Variants in CLCN6 observed in about 807,000 individuals in gnomAD.
CLCN6 encodes the protein Cl-/H+ antiporter 6.
CLCN6 carries 70 observed loss-of-function variants against 109.8 expected under a neutral mutation model. The ratio of observed to expected loss-of-function variants is 0.64; its 90% CI spans 0.53 to 0.78. CLCN6 has a LOEUF of 0.78. Among genes scored for constraint, CLCN6 ranks in the 30% least tolerant of loss-of-function variants. The pLI is 0.00. For synonymous variants in CLCN6, 444 were observed against 447.8 expected (o/e 0.99, Z 0.11); for missense variants, 984 against 1,142.3 (o/e 0.86, Z 2.00).
At chr1:11,820,381 G>A (rs915299907) in intron 5 of CLCN6, 1 of 716,468 alleles carries the variant, frequency 1.4e-6, no homozygotes, top group Non-Finnish European at 2.6e-6. Flanking sequence ...AGATGAAGAT[G>A]TAAATATGCA....
chr1:11,809,544 C>G (rs1036865078), intron 2 of CLCN6, among the ~76,000 whole-genome samples: 1 of 152,264 alleles, frequency 6.6e-6, no homozygotes, highest in Admixed American at 6.5e-5. Flanking sequence ...CCTCCACCCC[C>G]GCCTCTGAGT....
intron 1 of CLCN6, chr1:11,806,574 C>G (rs984319662): frequency 6.5e-6 from 3 of 464,908 alleles, no homozygotes; most frequent in Non-Finnish European, 1.1e-5. Flanking sequence ...CAGGCCAGCT[C>G]CAGTAAATCC....
chr1:11,828,017 G>A (rs756602330), intron 10 of CLCN6, 89 bp from the exon 11 acceptor site: 37 of 950,200 alleles, frequency 3.9e-5, no homozygotes, highest in East Asian at 4.8e-5. Context: ...AGGTCTCTGC[G>A]TAGAGCAGTG....
Position 11,834,444 on chromosome 1 carries a change from C to A in CLCN6, c.1687-40C>A. The A allele has an allele frequency of 1.2e-6, 2 of 1,613,202 alleles. No homozygotes were observed. The highest frequency in any genetic ancestry group is 1.7e-6 in the Non-Finnish European group (2 of 1,179,342). On this transcript the variant is annotated intron_variant, in intron 16 of 22. Coordinates refer to ENST00000346436, the MANE Select transcript of CLCN6 (RefSeq NM_001286.5). The surrounding 1 kb of genome is among the most constrained non-coding windows in gnomAD (Gnocchi z 4.5). ...CTGTCAGGCTCAGGGCCACGTCCGC[C>A]CCACAGGACCTATTTTTAGGTCTTT...
chr1:11,817,414 C>G (rs1463714372), intron 4 of CLCN6, among the ~76,000 whole-genome samples: 1 of 152,142 alleles, frequency 6.6e-6, no homozygotes, highest in Non-Finnish European at 1.5e-5. Context: ...TTAATGTTAT[C>G]TAGAAGATAG....
rs1570533320 is a variant in CLCN6, at chr1:11,829,118, T to A, written c.1122-78T>A. 1.4e-5 allele frequency: 22 copies of A among 1,548,680 alleles called. No individual in the cohort carries two copies. The East Asian group carries it at 4.5e-4, about 32-fold the overall frequency. On this transcript the variant is annotated intron_variant, in intron 12 of 22. Transcript: ENST00000346436. ...TGTTTGGAGAAATCGGGGCTGGGGG[T>A]AGGCAGGGTTATGTTTTGAATTTCT...
At chr1:11,807,102 A>C in intron 1 of CLCN6, 29 bp from the exon 2 acceptor site, 1 of 1,607,790 alleles carries the variant, frequency 6.2e-7, no homozygotes, top group Non-Finnish European at 8.5e-7. Flanking sequence ...CCACTAAAAA[A>C]GGCTCCCTCT....
chr1:11,827,155 CG>C lies in CLCN6; in HGVS notation c.779del (p.Gly260ValfsTer6). The C allele has an allele frequency of 6.2e-7, 1 of 1,613,890 alleles. No individual in the cohort carries two copies. Among genetic ancestry groups the C allele is most frequent in the Non-Finnish European group, 8.5e-7 (1 of 1,179,898 alleles). On this transcript the variant is annotated frameshift_variant, in exon 10 of 23. Transcript: ENST00000346436. LOFTEE classifies it high-confidence loss of function. ...TTGCTGCAGCTTTCGGGGCGCCAAT[CG>C]GGGGTACCTTGTTCAGTCTAGAGGA... ...GVAAAFGAPI[G>X]GTLFSLEEGS...
chr1:11,838,799 C>T, intron 22 of CLCN6, 139 bp downstream of exon 22: 1 of 1,282,820 alleles, frequency 7.8e-7, no homozygotes, highest in Non-Finnish European at 1.1e-6. Context: ...AGCTTTGAAC[C>T]CTGCTCGGCT....
At chr1:11,827,045 C>T in intron 9 of CLCN6, 44 bp from the exon 10 acceptor site, 1 of 1,604,292 alleles carries the variant, frequency 6.2e-7, no homozygotes. Context: ...CTTTTGGGGG[C>T]TGGGGGCTCT....
At chr1:11,838,285 T>A (rs746866914) in intron 20 of CLCN6, 50 bp from the exon 21 acceptor site, 2 of 1,543,142 alleles carry the variant, frequency 1.3e-6, no homozygotes, top group East Asian at 4.5e-5. Flanking sequence ...AAGGTGACCC[T>A]GCTGGCCACT....
At chr1:11,813,200 G>A (rs908580287) in intron 2 of CLCN6, among the ~76,000 whole-genome samples, 4 of 152,180 alleles carry the variant, frequency 2.6e-5, no homozygotes, top group Non-Finnish European at 4.4e-5. Flanking sequence ...ATAAGTGGAT[G>A]CCTTTGCTCC....
chr1:11,837,609 C>T (rs1298352204), intron 20 of CLCN6, 110 bp downstream of exon 20: 14 of 1,120,312 alleles, frequency 1.2e-5, no homozygotes, highest in Admixed American at 4.4e-5. Flanking sequence ...GAATGCAAGG[C>T]GAGAAGTGCA....
At chr1:11,839,443 G>A (rs1644991780) in intron 22 of CLCN6, among the ~76,000 whole-genome samples, 1 of 152,180 alleles carries the variant, frequency 6.6e-6, no homozygotes, top group African/African-American at 2.4e-5. Context: ...TGTATTTATG[G>A]TAGAGACACG....
At chr1:11,816,980 A>G (rs1644681535) in intron 4 of CLCN6, among the ~76,000 whole-genome samples, 1 of 152,078 alleles carries the variant, frequency 6.6e-6, no homozygotes, top group African/African-American at 2.4e-5. Flanking sequence ...TTTATCTTTT[A>G]TGATATGATT....
In CLCN6 at chr1:11,838,518, A is replaced by G. The variant is rs1644978735; in HGVS notation, c.2404-17A>G. On this transcript the variant is annotated splice_polypyrimidine_tract_variant and intron_variant, in intron 21 of 22. Transcript: ENST00000346436. Reference sequence around the variant, plus strand: ...GTTGGCGTCTCAGGCAGTCAGTGACACGTGGTCTCTTTGCAGGATGTCACC... The same window carrying G: ...GTTGGCGTCTCAGGCAGTCAGTGACGCGTGGTCTCTTTGCAGGATGTCACC... 1 of 1,607,376 alleles carries G rather than the reference A, an allele frequency of 6.2e-7. No homozygotes were observed. The highest frequency in any genetic ancestry group is 8.5e-7 in the Non-Finnish European group (1 of 1,174,430).
At chr1:11,814,565 A>G (rs934590168) in intron 2 of CLCN6, among the ~76,000 whole-genome samples, 1 of 152,072 alleles carries the variant, frequency 6.6e-6, no homozygotes, top group African/African-American at 2.4e-5. Context: ...CTGCTTCTCT[A>G]ACAAGACAAC....
intron 17 of CLCN6, among the ~76,000 whole-genome samples, 187 bp from the exon 18 acceptor site, chr1:11,835,780 C>T (rs545468035): frequency 2.0e-5 from 3 of 152,212 alleles, no homozygotes; most frequent in African/African-American, 4.8e-5. Flanking sequence ...ATTCCAGGTG[C>T]GGGAACAGCA....
chr1:11,811,100 A>T (rs1644592710), intron 2 of CLCN6, among the ~76,000 whole-genome samples: 1 of 151,898 alleles, frequency 6.6e-6, no homozygotes, highest in Admixed American at 6.6e-5. Context: ...GGTCCCCCCT[A>T]CTCAGGAGAT....
Sources: allele counts gnomAD v4.1 joint callset (sites outside exome capture counted in the v4.1 genomes callset), GRCh38; gene constraint gnomAD v4.1.1; non-coding constraint Gnocchi (gnomAD v3.1); transcripts MANE v1.5; gene names NCBI Gene and HGNC (gene_info 2026-07-23, HGNC 2026-07-21).